The following ADCY10 variants were observed in gnomAD, a reference collection of about 807,000 sequenced individuals.
The protein encoded by ADCY10 is adenylate cyclase type 10.
A neutral mutation model predicts 183.3 loss-of-function variants in ADCY10; 156 were observed. The ratio of observed to expected loss-of-function variants is 0.85; its 90% CI spans 0.75 to 0.97. The LOEUF is 0.97. ADCY10 is among the 50% of genes least tolerant of loss of function. The probability of loss-of-function intolerance (pLI) is 0.00; values close to 1 mark genes in which losing one functional copy is unlikely to be tolerated. For synonymous variants in ADCY10, 645 were observed against 670.0 expected (o/e 0.96, Z 0.58); for missense variants, 1,745 against 1,934.3 (o/e 0.90, Z 1.84).
At chr1:167,874,072 C>T (rs1667282836) in intron 13 of ADCY10, among the ~76,000 whole-genome samples, 1 of 152,218 alleles carries the variant, frequency 6.6e-6, no homozygotes, top group Non-Finnish European at 1.5e-5. Context: ...TGGCTCACGC[C>T]TGTAATCCCA....
At chr1:167,871,891 A>G (rs943379899) in intron 13 of ADCY10, among the ~76,000 whole-genome samples, 1 of 152,206 alleles carries the variant, frequency 6.6e-6, no homozygotes, top group African/African-American at 2.4e-5. Context: ...TTTGGCCTGA[A>G]TGAAGCTCAC....
chr1:167,901,662 C>T lies in ADCY10; in HGVS notation c.436G>A (p.Gly146Arg). 1 of 1,614,064 alleles carries T rather than the reference C, an allele frequency of 6.2e-7. No homozygotes were observed. The highest frequency in any genetic ancestry group is 2.2e-5 in the East Asian group (1 of 44,890). ...GATTTATTCCTTCTCAAATGCTTAC[C>T]TATCTTGACTCGGATGTCTAGGCCT... Reference protein sequence around the residue: ...EEGLDIRVKIGLAAGHISMLV... With the variant: ...EEGLDIRVKIRLAAGHISMLV... The change falls in exon 5 of 33, where the codon GGA (glycine) becomes AGA (arginine). Residue 146 changes from glycine (G) to arginine (R), a missense_variant and splice_region_variant. Physicochemically the swap from Gly to Arg is moderately radical, Grantham distance 125. Transcript: ENST00000367851.
At chr1:167,872,999 C>G (rs1029656942) in intron 13 of ADCY10, among the ~76,000 whole-genome samples, 9 of 151,060 alleles carry the variant, frequency 6.0e-5, no homozygotes, top group Non-Finnish European at 1.3e-4. Context: ...GAACCCGGGA[C>G]GCAGAGGTTG....
In ADCY10 at chr1:167,880,124, C is replaced by G; in HGVS notation, c.1207G>C (p.Glu403Gln). 5 of 1,612,262 alleles carry G rather than the reference C, an allele frequency of 3.1e-6. No individual in the cohort carries two copies. Among genetic ancestry groups the G allele is most frequent in the Non-Finnish European group, 4.2e-6 (5 of 1,179,396 alleles). Residue 403 changes from glutamate to glutamine, a missense_variant, in exon 11 of 33, where the codon GAG (glutamate) becomes CAG (glutamine). Transcript: ENST00000367851. ...CGIVGHTVRH[E>Q]YTVIGQKVNL... is the part of the protein sequence containing the mutation. ...AGCTGACCCAGCACACCTGTGTACT[C>G]GTGTCTCACAGTGTGTCCAACGATC...
At chr1:167,831,511 T>G (rs531506068) in intron 25 of ADCY10, among the ~76,000 whole-genome samples, 1 of 152,196 alleles carries the variant, frequency 6.6e-6, no homozygotes, top group Non-Finnish European at 1.5e-5. Flanking sequence ...AAATCTCTTA[T>G]AGGGCATTCG....
intron 14 of ADCY10, among the ~76,000 whole-genome samples, chr1:167,869,515 G>A (rs6693941): frequency 0.32 from 48,109 of 151,998 alleles, 7,852 homozygotes; most frequent in South Asian, 0.38. Context: ...CAGGTAGCCC[G>A]GCGCCTAAGA....
chr1:167,841,502 CTTTTTTTTTTTT>C (rs71100905), intron 21 of ADCY10, among the ~76,000 whole-genome samples: 1 of 90,902 alleles, frequency 1.1e-5, no homozygotes, highest in Non-Finnish European at 1.9e-5. Context: ...ATATGCTTTC[CTTTTTTTTTTTT>C]TTTTTTTTTA....
chr1:167,890,286 G>A (rs1447806824), intron 8 of ADCY10, among the ~76,000 whole-genome samples: 2 of 152,076 alleles, frequency 1.3e-5, no homozygotes, highest in Non-Finnish European at 2.9e-5. Context: ...GTGCAGTAAT[G>A]CTATGGTTCT....
chr1:167,850,127 A>T (rs894566649), intron 18 of ADCY10, among the ~76,000 whole-genome samples: 9 of 152,174 alleles, frequency 5.9e-5, no homozygotes, highest in Non-Finnish European at 1.2e-4. Flanking sequence ...GGAAAAGGCG[A>T]GAGACTAGGA....
chr1:167,818,755 T>C (rs1571211220), intron 30 of ADCY10, among the ~76,000 whole-genome samples: 1 of 152,196 alleles, frequency 6.6e-6, no homozygotes, highest in Non-Finnish European at 1.5e-5. Context: ...GCTAGGCTGG[T>C]CTCGAACTCC....
Position 167,846,025 on chromosome 1 carries a change from C to T in ADCY10, c.2676G>A (p.Val892=), listed in dbSNP as rs1226522931. 2 of 1,614,214 alleles carry T rather than the reference C, an allele frequency of 1.2e-6. No individual in the cohort carries two copies. The highest frequency in any genetic ancestry group is 1.7e-6 in the Non-Finnish European group (2 of 1,180,036). Reference sequence around the variant, plus strand: ...GCTTCAGAGACAAGGAACGATAGTGCACCTCAAATGAGGGATCATTCTGTT... The same window carrying T: ...GCTTCAGAGACAAGGAACGATAGTGTACCTCAAATGAGGGATCATTCTGTT... The part of the protein sequence containing the change: ...ALKQNDPSFE[V]HYRSLSLKPS... Residue 892 remains valine (V), a synonymous_variant, in exon 20 of 33, where the codon GTG becomes GTA. Coordinates refer to ENST00000367851, the MANE Select transcript of ADCY10 (RefSeq NM_018417.6).
intron 1 of ADCY10, among the ~76,000 whole-genome samples, chr1:167,906,096 GAT>G (rs1669792811): frequency 6.6e-6 from 1 of 152,010 alleles, no homozygotes; most frequent in South Asian, 2.1e-4. Flanking sequence ...GTCATATTGG[GAT>G]ATATTAGAGT....
intron 1 of ADCY10, among the ~76,000 whole-genome samples, chr1:167,906,377 G>A (rs1033537211): frequency 3.3e-5 from 5 of 151,274 alleles, no homozygotes; most frequent in South Asian, 2.1e-4. Context: ...AAAAAAAAAA[G>A]GGTAGCATTA....
intron 8 of ADCY10, among the ~76,000 whole-genome samples, chr1:167,890,588 A>C (rs1217912200): frequency 2.8e-5 from 3 of 107,998 alleles, no homozygotes; most frequent in African/African-American, 1.1e-4. Context: ...TCAAGGCTCT[A>C]GCACTCTACA....
At chr1:167,913,730 A>G (rs1226254304) in intron 1 of ADCY10, among the ~76,000 whole-genome samples, 1 of 150,854 alleles carries the variant, frequency 6.6e-6, no homozygotes, top group Non-Finnish European at 1.5e-5. Context: ...AACTGCAGAA[A>G]AGAGGCAAAT....
chr1:167,861,181 C>G (rs985140094), intron 14 of ADCY10, 118 bp from the exon 15 acceptor site: 1 of 870,336 alleles, frequency 1.1e-6, no homozygotes, highest in East Asian at 2.6e-5. Context: ...GGAGATTTTC[C>G]AAGCTATCTC....
chr1:167,822,953 AC>A (rs1352720819), intron 29 of ADCY10, 54 bp downstream of exon 29: 1 of 1,487,490 alleles, frequency 6.7e-7, no homozygotes, highest in Admixed American at 1.7e-5. Context: ...GCCACACCAC[AC>A]CAGCACAGGT....
At chr1:167,860,378 A>G (rs1666204542) in intron 15 of ADCY10, among the ~76,000 whole-genome samples, 1 of 152,178 alleles carries the variant, frequency 6.6e-6, no homozygotes, top group Non-Finnish European at 1.5e-5. Flanking sequence ...TGCTGATCTG[A>G]CAAGAGGAGG....
At chr1:167,816,545 C>CA (rs1301069516) in intron 31 of ADCY10, among the ~76,000 whole-genome samples, 2 of 151,028 alleles carry the variant, frequency 1.3e-5, no homozygotes, top group Non-Finnish European at 3.0e-5. Flanking sequence ...GACTCCATTT[C>CA]AAAAAAAAGA....
Sources: allele counts gnomAD v4.1 joint callset (sites outside exome capture counted in the v4.1 genomes callset), GRCh38; gene constraint gnomAD v4.1.1; transcripts MANE v1.5; gene names NCBI Gene and HGNC (gene_info 2026-07-23, HGNC 2026-07-21).